The following TRMT9B variants were observed in gnomAD, a reference collection of about 807,000 sequenced individuals.
TRMT9B encodes the protein probable tRNA methyltransferase 9B.
Under a neutral mutation model 11.5 loss-of-function variants are expected in TRMT9B, and 16 were observed. The ratio of observed to expected loss-of-function variants is 1.39; its 90% CI spans 0.94 to 2.11. The LOEUF (loss-of-function observed/expected upper bound fraction) is 2.11, where lower values mean the gene tolerates loss of function less well. Among genes scored for constraint, TRMT9B ranks in the 30% most tolerant of loss-of-function variants. The probability of loss-of-function intolerance (pLI) is 0.00; values close to 1 mark genes in which losing one functional copy is unlikely to be tolerated. For missense variants in TRMT9B, 941 were observed against 553.8 expected, an observed-to-expected ratio of 1.70 and a Z score of -7.02; for synonymous variants, 274 against 192.4, an observed-to-expected ratio of 1.42 and a Z score of -3.51.
intron 1 of TRMT9B, among the ~76,000 whole-genome samples, chr8:12,968,090 G>A (rs972032656): frequency 6.6e-6 from 1 of 152,202 alleles, no homozygotes; most frequent in Non-Finnish European, 1.5e-5. Context: ...TCACCATGTT[G>A]TCCAGGCTGG....
Position 13,021,742 on chromosome 8 carries a change from A to G in TRMT9B, c.1063A>G (p.Thr355Ala). The change falls in exon 5 of 5, where the codon ACT becomes GCT. Residue 355 changes from threonine to alanine, a missense_variant. Physicochemically the swap from Thr to Ala is moderately conservative, Grantham distance 58 (BLOSUM62 0). Transcript: ENST00000524591. ...GGGAAATTTTCTGGATAGCACTAAT[A>G]CTGGTGTGAATTGTGTGGATGCAGG... ...GGGNFLDSTN[T>A]GVNCVDAGNI... The G allele has an allele frequency of 6.2e-7, 1 of 1,613,978 alleles. No individual in the cohort carries two copies. The highest frequency in any genetic ancestry group is 8.5e-7 in the Non-Finnish European group (1 of 1,179,884).
rs1478377908 is a variant in TRMT9B at position 13,016,225 on chromosome 8, G to A, written c.328+3368G>A. ...ATTTATATATATAAAATATAAATGT[G>A]AAATATATATTATATATAAAATATA... On this transcript the variant is annotated intron_variant, in intron 4 of 4. Coordinates refer to ENST00000524591, the MANE Select transcript of TRMT9B (RefSeq NM_020844.3). Among the ~76,000 whole-genome samples the A allele has an allele frequency of 1.5e-4, 17 of 114,878 alleles. 3 individuals are homozygous for A. The highest frequency in any genetic ancestry group is 2.2e-4 in the Non-Finnish European group (12 of 55,680). 75.4% of individuals were successfully genotyped at this position (114,878 alleles called of 152,430 possible). A position where few individuals can be genotyped will look rare whatever the true frequency, so the allele number is the denominator to read the frequency against.
chr8:12,970,395 A>G (rs1012929111), intron 1 of TRMT9B, among the ~76,000 whole-genome samples: 3 of 152,196 alleles, frequency 2.0e-5, no homozygotes, highest in Non-Finnish European at 4.4e-5. Flanking sequence ...CCAACCTAAC[A>G]GTGAAGAGAG....
intron 2 of TRMT9B, among the ~76,000 whole-genome samples, chr8:13,004,425 G>A (rs1161250841): frequency 6.6e-6 from 1 of 151,604 alleles, no homozygotes; most frequent in Non-Finnish European, 1.5e-5. Context: ...TGCTTGAGGA[G>A]AGGAGAGGGA....
chr8:13,012,200 T>A, intron 3 of TRMT9B: 3 of 985,460 alleles, frequency 3.0e-6, no homozygotes, highest in Non-Finnish European at 3.6e-6. Context: ...TATGAGAATC[T>A]GTAAGTATTC....
chr8:12,990,805 A>G (rs992729147), intron 1 of TRMT9B, 29 bp from the exon 2 acceptor site: 3 of 1,273,898 alleles, frequency 2.4e-6, no homozygotes, highest in East Asian at 1.1e-4. Context: ...ATGTGAAATG[A>G]CATTTAGTAT....
At chr8:12,971,045 C>T (rs1170164920) in intron 1 of TRMT9B, among the ~76,000 whole-genome samples, 1 of 152,070 alleles carries the variant, frequency 6.6e-6, no homozygotes, top group Non-Finnish European at 1.5e-5. Context: ...GCTATTTTGA[C>T]ACATGTATAC....
intron 1 of TRMT9B, among the ~76,000 whole-genome samples, chr8:12,954,509 A>G (rs1801046642): frequency 6.6e-6 from 1 of 152,230 alleles, no homozygotes; most frequent in African/African-American, 2.4e-5. Context: ...AATTGAGTGA[A>G]AGCTCTCATT....
intron 3 of TRMT9B, chr8:13,011,494 A>T: frequency 1.0e-6 from 1 of 976,548 alleles, no homozygotes; most frequent in Non-Finnish European, 1.2e-6. Flanking sequence ...TAATGCCAAT[A>T]AGTACAAATA....
At chr8:12,980,959 C>T (rs2128873082) in intron 1 of TRMT9B, among the ~76,000 whole-genome samples, 1 of 152,218 alleles carries the variant, frequency 6.6e-6, no homozygotes, top group South Asian at 2.1e-4. Context: ...TTTCTTTGAT[C>T]ACTGCAAGAG....
In TRMT9B at chr8:13,023,771, T is replaced by G. The variant is rs993877934; in HGVS notation, c.*1727T>G. On this transcript the variant is annotated 3_prime_UTR_variant, in exon 5 of 5. Transcript: ENST00000524591. ...ATTTGTTCTTGGGTTCTTTTTTCCTTTAATGATTGTGCTATAACTTAAAAT... is the reference window on the plus strand; with the variant it reads ...ATTTGTTCTTGGGTTCTTTTTTCCTGTAATGATTGTGCTATAACTTAAAAT... 1.2e-5 allele frequency: 2 copies of G among 166,596 alleles called. No individual in the cohort carries two copies. The highest frequency in any genetic ancestry group is 2.9e-5 in the Non-Finnish European group (2 of 68,116). The allele number at this position is 166,596 out of a possible 1,614,324, so 10.3% of individuals were successfully genotyped here.
At chr8:12,951,039 T>G (rs562036742) in intron 1 of TRMT9B, among the ~76,000 whole-genome samples, 1 of 152,298 alleles carries the variant, frequency 6.6e-6, no homozygotes, top group South Asian at 2.1e-4. Flanking sequence ...CGGTTGAAGA[T>G]ACTATTACGT....
chr8:12,952,345 G>A, intron 1 of TRMT9B: 1 of 326,796 alleles, frequency 3.1e-6, no homozygotes, highest in Non-Finnish European at 6.3e-6. Flanking sequence ...CCGCGCCCGG[G>A]TCTGGCCGCC....
At chr8:12,997,729 G>T (rs576413670) in intron 2 of TRMT9B, among the ~76,000 whole-genome samples, 32 of 152,208 alleles carry the variant, frequency 2.1e-4, no homozygotes, top group African/African-American at 7.7e-4. Context: ...GGTGAATATG[G>T]GTGTCCATTT....
At chr8:13,017,499 G>A (rs544876599) in intron 4 of TRMT9B, among the ~76,000 whole-genome samples, 33 of 151,994 alleles carry the variant, frequency 2.2e-4, no homozygotes, top group East Asian at 5.8e-4. Flanking sequence ...TTGATATTTC[G>A]GATAAATATA....
intron 1 of TRMT9B, among the ~76,000 whole-genome samples, chr8:12,965,182 C>G (rs571052189): frequency 6.6e-6 from 1 of 152,218 alleles, no homozygotes; most frequent in African/African-American, 2.4e-5. Flanking sequence ...GTGGCACTTA[C>G]TCAGAACCAA....
At position 13,021,965 on chromosome 8, in the gene TRMT9B, C is replaced by G; in HGVS notation, c.1286C>G (p.Ser429Ter). The G allele has an allele frequency of 6.2e-7, 1 of 1,613,586 alleles. No individual in the cohort carries two copies. Among genetic ancestry groups the G allele is most frequent in the Non-Finnish European group, 8.5e-7 (1 of 1,179,780 alleles). ...ELCSLLKENV[S>*]ELRILSSGND... ...TGCAGTCTGCTCAAGGAGAATGTGTCAGAGCTCCGTATCCTGAGTTCTGGG... is the reference window on the plus strand; with the variant it reads ...TGCAGTCTGCTCAAGGAGAATGTGTGAGAGCTCCGTATCCTGAGTTCTGGG... Residue 429 changes from serine (S) to a stop codon, truncating the protein, a stop_gained, in exon 5 of 5, where the codon TCA becomes TGA. Transcript: ENST00000524591. LOFTEE classifies it high-confidence loss of function.
chr8:12,980,400 C>T (rs1346888016), intron 1 of TRMT9B, among the ~76,000 whole-genome samples: 1 of 136,750 alleles, frequency 7.3e-6, no homozygotes, highest in East Asian at 3.1e-4. Flanking sequence ...CATCTATAAA[C>T]CCTTTTTTCC....
chr8:12,955,998 C>G (rs1263056416), intron 1 of TRMT9B, among the ~76,000 whole-genome samples: 1 of 152,172 alleles, frequency 6.6e-6, no homozygotes, highest in Non-Finnish European at 1.5e-5. Context: ...TGCCTCTCCA[C>G]CCTAGGAAGC....
Sources: allele counts gnomAD v4.1 joint callset (sites outside exome capture counted in the v4.1 genomes callset), GRCh38; gene constraint gnomAD v4.1.1; transcripts MANE v1.5; gene names NCBI Gene and HGNC (gene_info 2026-07-23, HGNC 2026-07-21).